The following GALNT13 variants were observed in gnomAD, a reference collection of about 807,000 sequenced individuals.
GALNT13 encodes the protein UDP-GalNAc:polypeptide N-acetylgalactosaminyltransferase 13.
A neutral mutation model predicts 64.2 loss-of-function variants in GALNT13; 28 were observed. The observed-to-expected ratio is 0.44, with a 90% CI of 0.32 to 0.60. GALNT13 has a LOEUF of 0.60. GALNT13 is among the 20% of genes least tolerant of loss of function. The pLI, the probability that GALNT13 is intolerant of heterozygous loss-of-function variation, is 0.05. For missense variants in GALNT13, 577 were observed against 669.8 expected (o/e 0.86, Z 1.53); for synonymous variants, 214 against 224.6 (o/e 0.95, Z 0.42).
the GALNT13 span, among the ~76,000 whole-genome samples, chr2:153,207,748 A>T: frequency 6.6e-6 from 1 of 152,172 alleles, no homozygotes; most frequent in African/African-American, 2.4e-5. Flanking sequence ...TCAATTAATT[A>T]GTTATTATTC....
the GALNT13 span, among the ~76,000 whole-genome samples, chr2:153,276,271 T>C: frequency 6.6e-6 from 1 of 152,254 alleles, no homozygotes; most frequent in East Asian, 1.9e-4. Context: ...AAAAGGTTTA[T>C]ACTTTCATTT....
chr2:153,683,129 T>A, the GALNT13 span, among the ~76,000 whole-genome samples: 1 of 151,750 alleles, frequency 6.6e-6, no homozygotes, highest in Non-Finnish European at 1.5e-5. Context: ...GGTAGATATA[T>A]GGCACATAAC....
chr2:154,451,826 A>G lies in GALNT13; in HGVS notation c.*1275A>G, dbSNP rs1413266658. 1.3e-5 allele frequency: 2 copies of G among 152,134 alleles called. No individual in the cohort carries two copies. The highest frequency in any genetic ancestry group is 2.4e-5 in the African/African-American group (1 of 41,448). 9.4% of individuals were successfully genotyped at this position (152,134 alleles called of 1,614,324 possible). A position where few individuals can be genotyped will look rare whatever the true frequency, so the allele number is the denominator to read the frequency against. ...TTAAATGCTCAAAGAGTTGCCCTAT[A>G]TATGCATGTTATCCATTATAAATGC... On this transcript the variant is annotated 3_prime_UTR_variant, in exon 13 of 13. Coordinates refer to ENST00000392825, the MANE Select transcript of GALNT13 (RefSeq NM_052917.4).
chr2:154,107,760 C>T (rs1702702846), intron 3 of GALNT13, among the ~76,000 whole-genome samples: 1 of 151,930 alleles, frequency 6.6e-6, no homozygotes, highest in East Asian at 1.9e-4. Flanking sequence ...ACTCCAATTC[C>T]CTCCACGCTC....
At chr2:154,098,876 C>T (rs919390329) in intron 3 of GALNT13, among the ~76,000 whole-genome samples, 8 of 151,588 alleles carry the variant, frequency 5.3e-5, no homozygotes, top group East Asian at 2.0e-4. Flanking sequence ...CTGTGATAAA[C>T]AAATTAGTGC....
the GALNT13 span, among the ~76,000 whole-genome samples, chr2:153,631,438 G>T: frequency 1.3e-5 from 2 of 152,136 alleles, no homozygotes; most frequent in Non-Finnish European, 2.9e-5. Flanking sequence ...CAGTGTAAAG[G>T]TGTTCCTATT....
At chr2:153,344,618 A>G in the GALNT13 span, among the ~76,000 whole-genome samples, 1 of 152,202 alleles carries the variant, frequency 6.6e-6, no homozygotes, top group East Asian at 1.9e-4. Context: ...TGCAAAGAAC[A>G]CAGTACAGTA....
chr2:153,182,730 G>T, the GALNT13 span, among the ~76,000 whole-genome samples: 1 of 152,134 alleles, frequency 6.6e-6, no homozygotes, highest in Non-Finnish European at 1.5e-5. Flanking sequence ...TTTTGTTCCT[G>T]CATTAGTTTG....
intron 3 of GALNT13, among the ~76,000 whole-genome samples, chr2:154,129,433 T>G (rs570550526): frequency 4.5e-4 from 68 of 152,146 alleles, no homozygotes; most frequent in Non-Finnish European, 8.5e-4. Context: ...CATGAATAGG[T>G]GAGTACTAAA....
the GALNT13 span, among the ~76,000 whole-genome samples, chr2:153,472,686 C>T: frequency 3.9e-5 from 6 of 152,244 alleles, no homozygotes; most frequent in Non-Finnish European, 7.4e-5. Context: ...TGCATTTACC[C>T]ACTCAAGAAT....
At chr2:153,815,818 T>C in the GALNT13 span, among the ~76,000 whole-genome samples, 1 of 151,288 alleles carries the variant, frequency 6.6e-6, no homozygotes, top group Non-Finnish European at 1.5e-5. Context: ...TAAAATGTGC[T>C]GAAGGTTTAT....
the GALNT13 span, among the ~76,000 whole-genome samples, chr2:153,164,867 G>T: frequency 6.6e-6 from 1 of 152,076 alleles, no homozygotes; most frequent in Non-Finnish European, 1.5e-5. Context: ...ATATTACCAG[G>T]TTGCCTGCCA....
At chr2:153,351,544 A>G in the GALNT13 span, among the ~76,000 whole-genome samples, 1 of 151,154 alleles carries the variant, frequency 6.6e-6, no homozygotes, top group Non-Finnish European at 1.5e-5. Flanking sequence ...CAAATGTCTA[A>G]TGACACAAAT....
At chr2:153,170,615 T>C in the GALNT13 span, among the ~76,000 whole-genome samples, 2 of 152,224 alleles carry the variant, frequency 1.3e-5, no homozygotes, top group Non-Finnish European at 2.9e-5. Context: ...CAAATATCAC[T>C]GCTAGTAGCC....
At chr2:153,116,899 A>C in the GALNT13 span, among the ~76,000 whole-genome samples, 15 of 140,514 alleles carry the variant, frequency 1.1e-4, no homozygotes, top group Admixed American at 5.9e-4. Flanking sequence ...TCCTGGGTTC[A>C]CACCATTCTC....
At position 154,422,425 on chromosome 2, in the gene GALNT13, A is replaced by G. The variant is rs2105427518; in HGVS notation, c.1395+13343A>G. Among the ~76,000 whole-genome samples the G allele has an allele frequency of 1.3e-5, 2 of 152,292 alleles. 1 individual carries two copies. The highest frequency in any genetic ancestry group is 4.8e-5 in the African/African-American group (2 of 41,582). On this transcript the variant is annotated intron_variant, in intron 11 of 12. Transcript: ENST00000392825. ...GGATTTGATCCAATACAAAGCATGA[A>G]GCTACATGTGGTGTATACAGAAATG... is the stretch of plus-strand genomic sequence containing the variant.
chr2:154,088,145 C>T (rs570584259), intron 3 of GALNT13, among the ~76,000 whole-genome samples: 2 of 152,210 alleles, frequency 1.3e-5, no homozygotes, highest in Non-Finnish European at 2.9e-5. Flanking sequence ...GTGTCTCATA[C>T]ACTGTAATTC....
the GALNT13 span, among the ~76,000 whole-genome samples, chr2:153,505,035 T>C: frequency 6.6e-6 from 1 of 152,164 alleles, no homozygotes. Context: ...TGGCAATTTT[T>C]TAGTTCCCAT....
At chr2:153,760,919 G>GTA in the GALNT13 span, among the ~76,000 whole-genome samples, 1 of 152,138 alleles carries the variant, frequency 6.6e-6, no homozygotes, top group Non-Finnish European at 1.5e-5. Flanking sequence ...AACGTTGGGT[G>GTA]TATTATGTAT....
Sources: gnomAD v4.1 joint callset for allele counts (sites outside exome capture counted in the v4.1 genomes callset) on GRCh38, gnomAD v4.1.1 for gene constraint, MANE v1.5 for transcripts, NCBI Gene and HGNC (gene_info 2026-07-23, HGNC 2026-07-21) for gene names.